ZDHHC7: variants seen among roughly 807,000 people sequenced by gnomAD.
ZDHHC7 encodes zDHHC palmitoyltransferase 7.
Under a neutral mutation model 34.1 loss-of-function variants are expected in ZDHHC7, and 12 were observed. The observed-to-expected ratio is 0.35, with a 90% CI of 0.23 to 0.57. The LOEUF is 0.57. Among genes scored for constraint, ZDHHC7 ranks in the 20% least tolerant of loss-of-function variants. ZDHHC7 has a pLI of 0.84. For missense variants in ZDHHC7, 388 were observed against 402.7 expected (o/e 0.96, Z 0.31); for synonymous variants, 185 against 155.4 (o/e 1.19, Z -1.42).
the ZDHHC7 span, among the ~76,000 whole-genome samples, chr16:85,026,212 G>C: frequency 6.6e-6 from 1 of 152,208 alleles, no homozygotes; most frequent in Non-Finnish European, 1.5e-5. Context: ...AGGTTCACTT[G>C]CTGACCCAGG....
intron 1 of ZDHHC7, among the ~76,000 whole-genome samples, chr16:85,005,969 T>C (rs1281737202): frequency 6.6e-6 from 1 of 152,126 alleles, no homozygotes; most frequent in Non-Finnish European, 1.5e-5. Flanking sequence ...AACCCAAATT[T>C]AGGCAGCCCT....
intron 3 of ZDHHC7, among the ~76,000 whole-genome samples, chr16:84,985,346 TGCTCTCCACCCCA>T (rs1567495409): frequency 3.3e-5 from 5 of 152,230 alleles, no homozygotes; most frequent in Non-Finnish European, 7.3e-5. Context: ...CTCTCTCCCC[TGCTCTCCACCCCA>T]GCTCCCTGTC....
At chr16:85,002,599 G>A (rs1334671336) in intron 1 of ZDHHC7, among the ~76,000 whole-genome samples, 1 of 151,694 alleles carries the variant, frequency 6.6e-6, no homozygotes, top group East Asian at 2.0e-4. Context: ...AGGGGCTGAC[G>A]AGATGTGCCC....
intron 1 of ZDHHC7, among the ~76,000 whole-genome samples, chr16:85,009,222 C>A (rs1243587586): frequency 6.6e-6 from 1 of 151,884 alleles, no homozygotes; most frequent in African/African-American, 2.4e-5. Context: ...GTTAATTTAA[C>A]AAAGATTGTA....
intron 1 of ZDHHC7, among the ~76,000 whole-genome samples, chr16:84,998,079 C>T (rs1200096266): frequency 8.1e-5 from 12 of 148,268 alleles, no homozygotes; most frequent in African/African-American, 2.0e-4. Context: ...GCTACTAACA[C>T]GGTGAAACCC....
At chr16:84,994,444 T>C (rs935231509) in intron 2 of ZDHHC7, among the ~76,000 whole-genome samples, 6 of 152,206 alleles carry the variant, frequency 3.9e-5, no homozygotes, top group Non-Finnish European at 8.8e-5. Flanking sequence ...GAAGGGTGCT[T>C]TCCAGGCAGT....
intron 1 of ZDHHC7, among the ~76,000 whole-genome samples, chr16:84,999,867 C>T (rs1375707455): frequency 6.6e-6 from 1 of 152,168 alleles, no homozygotes; most frequent in Non-Finnish European, 1.5e-5. Context: ...AATTGTGGGG[C>T]CGGGCACAGT....
At chr16:85,010,345 TA>T (rs1461005422) in intron 1 of ZDHHC7, among the ~76,000 whole-genome samples, 1 of 152,100 alleles carries the variant, frequency 6.6e-6, no homozygotes. Context: ...ACAAAGTGAC[TA>T]AAAGGTGATT....
In ZDHHC7 at chr16:84,974,610, CA is replaced by C. The variant is rs1475218287; in HGVS notation, c.*1732del. ...ATTGTTTTATTGATAACAGGATATACATATTAAAAGCCTCACACTGAAGCCC... is the reference window on the plus strand; with the variant it reads ...ATTGTTTTATTGATAACAGGATATACTATTAAAAGCCTCACACTGAAGCCC... On this transcript the variant is annotated 3_prime_UTR_variant, in exon 8 of 8. Transcript: ENST00000313732. 6.6e-6 allele frequency: 1 copy of C among 152,644 alleles called. No homozygotes were observed. Among genetic ancestry groups the C allele is most frequent in the Non-Finnish European group, 1.5e-5 (1 of 68,052 alleles). The allele number at this position is 152,644 out of a possible 1,614,324, so 9.5% of individuals were successfully genotyped here.
upstream of ZDHHC7, among the ~76,000 whole-genome samples, chr16:85,015,338 C>T (rs1442721433): frequency 2.0e-5 from 3 of 151,884 alleles, no homozygotes; most frequent in African/African-American, 7.3e-5. Flanking sequence ...TGACCTCAGG[C>T]GATCCACCCA....
At chr16:84,986,446 C>T (rs2072438232) in intron 3 of ZDHHC7, among the ~76,000 whole-genome samples, 1 of 152,224 alleles carries the variant, frequency 6.6e-6, no homozygotes, top group African/African-American at 2.4e-5. Context: ...TGAAGGCTAC[C>T]TCCGGAAGGC....
intron 1 of ZDHHC7, among the ~76,000 whole-genome samples, chr16:84,997,506 C>T (rs1049731339): frequency 3.3e-5 from 5 of 150,048 alleles, no homozygotes; most frequent in African/African-American, 7.3e-5. Context: ...CTCCTGACCT[C>T]GTGATCCGCC....
chr16:85,020,074 C>A, the ZDHHC7 span, among the ~76,000 whole-genome samples: 6,268 of 152,278 alleles, frequency 0.041, 229 homozygotes, highest in East Asian at 0.16. Flanking sequence ...AAAGCTCTGC[C>A]GTTTCGGCTG....
rs756279908 is a variant in ZDHHC7 at position 85,011,519 on chromosome 16, G to C, written c.-337C>G. On this transcript the variant is annotated 5_prime_UTR_variant, in exon 1 of 8. Transcript: ENST00000313732. ...GGAGCCTTGGCTGGAGAGCGGGGCG[G>C]TGCGAGCGCCGGAAGTGAACCCGAC... The C allele has an allele frequency of 6.6e-6, 1 of 152,254 alleles. No homozygotes were observed. The highest frequency in any genetic ancestry group is 1.5e-5 in the Non-Finnish European group (1 of 68,056). The allele number at this position is 152,254 out of a possible 1,614,324, so 9.4% of individuals were successfully genotyped here.
rs950383037 is a variant in ZDHHC7, at chr16:85,011,333, C to G, written c.-151G>C. On this transcript the variant is annotated 5_prime_UTR_variant, in exon 1 of 8. Coordinates refer to ENST00000313732, the MANE Select transcript of ZDHHC7 (RefSeq NM_017740.3). Reference sequence around the variant, plus strand: ...CGGCGCTGCGGCTCCTCCCGGCCTGCGGCGGCGGCGGCGGCGACTGCAGCG... The same window carrying G: ...CGGCGCTGCGGCTCCTCCCGGCCTGGGGCGGCGGCGGCGGCGACTGCAGCG... 1 of 151,622 alleles carries G rather than the reference C, an allele frequency of 6.6e-6. No homozygotes were observed. Among genetic ancestry groups the G allele is most frequent in the African/African-American group, 2.4e-5 (1 of 41,284 alleles). The allele number at this position is 151,622 out of a possible 1,614,324, so 9.4% of individuals were successfully genotyped here.
At chr16:85,011,827 G>A (rs895475670), upstream of ZDHHC7, among the ~76,000 whole-genome samples, 2 of 152,220 alleles carry the variant, frequency 1.3e-5, no homozygotes, top group African/African-American at 4.8e-5. Flanking sequence ...CCGCGCCCGC[G>A]GCGGTGTCTC....
chr16:84,983,211 G>A (rs919628932), intron 3 of ZDHHC7, among the ~76,000 whole-genome samples: 1 of 152,324 alleles, frequency 6.6e-6, no homozygotes, highest in Admixed American at 6.5e-5. Flanking sequence ...TGCAGTGATT[G>A]TGCAAAGACA....
At chr16:84,986,696 A>G (rs1284766621) in intron 3 of ZDHHC7, among the ~76,000 whole-genome samples, 1 of 152,084 alleles carries the variant, frequency 6.6e-6, no homozygotes, top group Non-Finnish European at 1.5e-5. Context: ...CAAAGCACCA[A>G]TGACTTTCCT....
chr16:85,014,043 T>C (rs2072824368), upstream of ZDHHC7, among the ~76,000 whole-genome samples: 1 of 152,146 alleles, frequency 6.6e-6, no homozygotes, highest in African/African-American at 2.4e-5. Context: ...TAGATAGAGA[T>C]AAGGAGTTTT....
Sources: gnomAD v4.1 joint callset for allele counts (sites outside exome capture counted in the v4.1 genomes callset) on GRCh38, gnomAD v4.1.1 for gene constraint, MANE v1.5 for transcripts, NCBI Gene and HGNC (gene_info 2026-07-23, HGNC 2026-07-21) for gene names.